The following CDYL variants were observed in gnomAD, a reference collection of about 807,000 sequenced individuals.
The protein encoded by CDYL is chromodomain Y-like protein.
Under a neutral mutation model 47.3 loss-of-function variants are expected in CDYL, and 8 were observed. That is an observed-to-expected ratio of 0.17 (90% CI 0.10 to 0.31). The LOEUF is 0.31. Among genes scored for constraint, CDYL ranks in the 10% least tolerant of loss-of-function variants. The pLI is 1.00. For missense variants in CDYL, 471 were observed against 701.4 expected, an observed-to-expected ratio of 0.67 and a Z score of 3.71; for synonymous variants, 266 against 265.0, an observed-to-expected ratio of 1.00 and a Z score of -0.04.
chr6:4,790,467 A>C (rs1758888150), intron 1 of CDYL, among the ~76,000 whole-genome samples: 1 of 152,222 alleles, frequency 6.6e-6, no homozygotes, highest in Non-Finnish European at 1.5e-5. Context: ...TGGTATGAGG[A>C]CTAGAGTTAG....
At chr6:4,802,994 C>T (rs1235863034) in intron 1 of CDYL, among the ~76,000 whole-genome samples, 2 of 152,134 alleles carry the variant, frequency 1.3e-5, no homozygotes, top group South Asian at 2.1e-4. Flanking sequence ...CATTGCGTCC[C>T]CCACCCCACA....
intron 1 of CDYL, among the ~76,000 whole-genome samples, chr6:4,710,375 G>GGAA (rs1554130866): frequency 3.0e-5 from 1 of 33,538 alleles, no homozygotes; most frequent in Non-Finnish European, 9.2e-5. Context: ...GAGGGAGGGA[G>GGAA]GGAGGGAAGG....
chr6:4,805,865 C>T (rs993714082), intron 1 of CDYL, among the ~76,000 whole-genome samples: 6 of 152,146 alleles, frequency 3.9e-5, no homozygotes, highest in African/African-American at 1.4e-4. Context: ...CCAGAAACAC[C>T]CCCACAGACA....
chr6:4,768,355 G>T (rs1758287721), intron 3 of CDYL, among the ~76,000 whole-genome samples: 1 of 152,158 alleles, frequency 6.6e-6, no homozygotes, highest in South Asian at 2.1e-4. Flanking sequence ...TTCTAGGACT[G>T]GAGCAGAAAA....
intron 1 of CDYL, among the ~76,000 whole-genome samples, chr6:4,866,511 A>C (rs1050238839): frequency 6.6e-6 from 1 of 152,128 alleles, no homozygotes; most frequent in Non-Finnish European, 1.5e-5. Flanking sequence ...GTTCTCACTT[A>C]ACGTCATCAA....
At chr6:4,821,260 CTTTTTTTTTTTTTTTTT>C (rs1176819548) in intron 1 of CDYL, among the ~76,000 whole-genome samples, 1 of 60,384 alleles carries the variant, frequency 1.7e-5, no homozygotes, top group African/African-American at 7.2e-5. Flanking sequence ...TATGGGAATT[CTTTTTTTTTTTTTTTTT>C]TTTTTTTTTT....
chr6:4,832,233 A>G (rs1760167566), intron 1 of CDYL, among the ~76,000 whole-genome samples: 1 of 152,178 alleles, frequency 6.6e-6, no homozygotes, highest in South Asian at 2.1e-4. Context: ...AGCTCTTATT[A>G]TTTTGAGATA....
intron 2 of CDYL, among the ~76,000 whole-genome samples, chr6:4,920,986 A>T (rs980022610): frequency 9.7e-6 from 1 of 102,668 alleles, no homozygotes; most frequent in African/African-American, 3.6e-5. Context: ...CTGCACCAGC[A>T]TGATACATCT....
At chr6:4,732,149 A>G (rs1757616311) in intron 2 of CDYL, among the ~76,000 whole-genome samples, 2 of 152,072 alleles carry the variant, frequency 1.3e-5, no homozygotes, top group African/African-American at 2.4e-5. Context: ...GGCCTGGGCA[A>G]CATAGCAAGA....
chr6:4,786,551 C>G (rs1758762026), intron 1 of CDYL, among the ~76,000 whole-genome samples: 1 of 152,136 alleles, frequency 6.6e-6, no homozygotes. Context: ...TTGTTTTTAA[C>G]CAATAAAGAT....
chr6:4,915,055 A>G (rs529479591), intron 2 of CDYL, among the ~76,000 whole-genome samples: 3 of 152,318 alleles, frequency 2.0e-5, no homozygotes, highest in African/African-American at 4.8e-5. Flanking sequence ...GGCTGGCCCA[A>G]CCTCGTAGAT....
intron 2 of CDYL, among the ~76,000 whole-genome samples, chr6:4,903,950 A>G (rs890084309): frequency 4.6e-5 from 7 of 152,352 alleles, no homozygotes; most frequent in African/African-American, 1.4e-4. Context: ...CATGGCAGGC[A>G]GGTGTGACTG....
At chr6:4,815,972 GTTTT>G (rs66530204) in intron 1 of CDYL, among the ~76,000 whole-genome samples, 38 of 140,458 alleles carry the variant, frequency 2.7e-4, no homozygotes, top group African/African-American at 9.5e-4. Flanking sequence ...ATTTTTATAG[GTTTT>G]TTTTTTTTTT....
intron 1 of CDYL, chr6:4,714,969 T>C: frequency 6.6e-6 from 1 of 152,220 alleles, no homozygotes; most frequent in Non-Finnish European, 1.5e-5. Flanking sequence ...TTTTGTGTCT[T>C]AAAAGCCAAA....
chr6:4,749,349 GA>G (rs1561835674), intron 3 of CDYL, among the ~76,000 whole-genome samples: 8 of 62,116 alleles, frequency 1.3e-4, no homozygotes, highest in Non-Finnish European at 5.3e-4. Context: ...GGCTGGATAT[GA>G]GATAGATGGA....
chr6:4,833,066 A>G (rs1349985844), intron 1 of CDYL, among the ~76,000 whole-genome samples: 1 of 144,926 alleles, frequency 6.9e-6, no homozygotes. Context: ...TTGTGTCTCT[A>G]TTTCCTTCAG....
chr6:4,927,846 T>C (rs1757924133), intron 2 of CDYL, among the ~76,000 whole-genome samples: 1 of 152,252 alleles, frequency 6.6e-6, no homozygotes, highest in Non-Finnish European at 1.5e-5. Context: ...TTTCCTTTCC[T>C]TTTTATGTTT....
intron 6 of CDYL, among the ~76,000 whole-genome samples, chr6:4,953,251 G>A (rs904342955): frequency 1.3e-5 from 2 of 151,702 alleles, no homozygotes; most frequent in African/African-American, 4.8e-5. Context: ...AGGCTTGGTG[G>A]TGCACGCCTG....
At chr6:4,788,932 C>G (rs1464585730) in intron 1 of CDYL, among the ~76,000 whole-genome samples, 1 of 152,006 alleles carries the variant, frequency 6.6e-6, no homozygotes, top group Non-Finnish European at 1.5e-5. Context: ...TGGCCCTGTC[C>G]CTCAAGGTGA....
Sources: allele counts gnomAD v4.1 joint callset (sites outside exome capture counted in the v4.1 genomes callset), GRCh38; gene constraint gnomAD v4.1.1; transcripts MANE v1.5; gene names NCBI Gene and HGNC (gene_info 2026-07-23, HGNC 2026-07-21).